PATJ: variants seen among roughly 807,000 people sequenced by gnomAD.
PATJ encodes inaD-like protein.
A neutral mutation model predicts 224.9 loss-of-function variants in PATJ; 190 were observed. The observed-to-expected ratio is 0.84, with a 90% confidence interval of 0.75 to 0.95. The LOEUF is 0.95. PATJ is among the 40% of genes least tolerant of loss of function. The pLI is 0.00. For synonymous variants in PATJ, 769 were observed against 820.3 expected, an observed-to-expected ratio of 0.94 and a Z score of 1.07; for missense variants, 2,121 against 2,270.3, an observed-to-expected ratio of 0.93 and a Z score of 1.34.
Position 62,073,136 on chromosome 1 carries a change from C to T in PATJ, c.4126-6314C>T, listed in dbSNP as rs566992961. 9.1e-6 allele frequency: 9 copies of T among 985,282 alleles called. No individual in the cohort carries two copies. In the East Asian group the frequency reaches 3.4e-4, roughly 37 times the overall value. The allele number at this position is 985,282 out of a possible 1,614,324, so 61.0% of individuals were successfully genotyped here. Reference sequence around the variant, plus strand: ...TTTAGGTTTTGCTCTTCTGGGGTTGCGTGCGTTATAGACCGGGTTCCAAAA... The same window carrying T: ...TTTAGGTTTTGCTCTTCTGGGGTTGTGTGCGTTATAGACCGGGTTCCAAAA... On this transcript the variant is annotated intron_variant, in intron 31 of 43. Transcript: ENST00000642238.
At chr1:61,990,607 TA>T (rs1271566234) in intron 28 of PATJ, among the ~76,000 whole-genome samples, 2 of 152,236 alleles carry the variant, frequency 1.3e-5, no homozygotes, top group African/African-American at 4.8e-5. Flanking sequence ...CATGGAAACA[TA>T]TTAAAACCTT....
chr1:61,772,112 T>TG (rs1455663490), intron 6 of PATJ, among the ~76,000 whole-genome samples: 1 of 151,304 alleles, frequency 6.6e-6, no homozygotes, highest in South Asian at 2.1e-4. Context: ...GGTCGTTTTT[T>TG]TTTTTTTTTT....
At chr1:61,920,519 C>G (rs1350469022) in intron 26 of PATJ, among the ~76,000 whole-genome samples, 1 of 152,030 alleles carries the variant, frequency 6.6e-6, no homozygotes, top group Non-Finnish European at 1.5e-5. Context: ...ACTTCTTTTT[C>G]TTCCCAGTCT....
chr1:61,807,672 G>A (rs1653868941), intron 13 of PATJ, among the ~76,000 whole-genome samples: 1 of 152,200 alleles, frequency 6.6e-6, no homozygotes, highest in Non-Finnish European at 1.5e-5. Context: ...GATGGAGAAT[G>A]AATGAATGCG....
intron 1 of PATJ, among the ~76,000 whole-genome samples, chr1:61,753,923 T>G (rs1308920740): frequency 1.3e-5 from 2 of 151,892 alleles, no homozygotes; most frequent in Non-Finnish European, 2.9e-5. Context: ...AATTTCTATC[T>G]CTCTTCAAAT....
At chr1:62,108,299 G>A (rs1010290608) in intron 33 of PATJ, 138 bp from the exon 34 acceptor site, 4 of 513,782 alleles carry the variant, frequency 7.8e-6, no homozygotes, top group Non-Finnish European at 1.4e-5. Flanking sequence ...TATCATAACT[G>A]TGTATATTGT....
At chr1:61,973,885 A>G (rs1683306567) in intron 27 of PATJ, among the ~76,000 whole-genome samples, 1 of 152,008 alleles carries the variant, frequency 6.6e-6, no homozygotes, top group Non-Finnish European at 1.5e-5. Context: ...ATCGTTTTTT[A>G]TGAATCTCAT....
At chr1:61,923,656 G>A (rs911941816) in intron 26 of PATJ, among the ~76,000 whole-genome samples, 3 of 152,106 alleles carry the variant, frequency 2.0e-5, no homozygotes, top group African/African-American at 7.2e-5. Context: ...GGTGGCTCAT[G>A]CCTGTAATCC....
intron 43 of PATJ, among the ~76,000 whole-genome samples, chr1:62,158,515 T>G (rs149149381): frequency 2.0e-5 from 3 of 147,870 alleles, no homozygotes; most frequent in East Asian, 1.9e-4. Flanking sequence ...GTCAGGAGAT[T>G]GAGACCATCC....
chr1:62,004,204 G>A (rs72677918), intron 28 of PATJ, among the ~76,000 whole-genome samples: 22,634 of 152,088 alleles, frequency 0.15, 2,027 homozygotes, highest in Non-Finnish European at 0.21. Context: ...GGCGGCAACT[G>A]TATCTGACTA....
chr1:62,073,894 A>G (rs1657856496), intron 31 of PATJ, among the ~76,000 whole-genome samples: 1 of 152,164 alleles, frequency 6.6e-6, no homozygotes, highest in African/African-American at 2.4e-5. Context: ...AAGAATTTCT[A>G]TAAAATAACT....
chr1:61,932,367 T>G (rs1676159595), intron 27 of PATJ, among the ~76,000 whole-genome samples: 1 of 152,202 alleles, frequency 6.6e-6, no homozygotes, highest in African/African-American at 2.4e-5. Flanking sequence ...AGGAGTAGTG[T>G]GTAGACAGCA....
chr1:61,996,741 C>CTTTTTTTTTTTTT (rs56215259), intron 28 of PATJ, among the ~76,000 whole-genome samples: 4 of 97,734 alleles, frequency 4.1e-5, no homozygotes, highest in Admixed American at 1.2e-4. Flanking sequence ...CTTTTCTTTT[C>CTTTTTTTTTTTTT]TTTTTTTTTT....
rs111645289 is a variant in PATJ, at chr1:61,775,880, G to GT, written c.849+551dup. On this transcript the variant is annotated intron_variant, in intron 7 of 43. Coordinates refer to ENST00000642238, the MANE Select transcript of PATJ (RefSeq NM_001350145.3). ...GAAGAAATGTTAATTACTACATTTAGTTTTTAGAAATTAGTTTAGAAATTT... is the reference window on the plus strand; with the variant it reads ...GAAGAAATGTTAATTACTACATTTAGTTTTTTAGAAATTAGTTTAGAAATTT... 1.9e-3 allele frequency among the ~76,000 whole-genome samples: 282 copies of GT among 152,208 alleles called. 1 individual carries two copies. Among genetic ancestry groups the GT allele is most frequent in the African/African-American group, 6.5e-3 (268 of 41,532 alleles).
chr1:62,017,818 C>A, intron 28 of PATJ, 38 bp from the exon 29 acceptor site: 3 of 987,590 alleles, frequency 3.0e-6, no homozygotes, highest in South Asian at 1.3e-5. Flanking sequence ...TACTTGTAGA[C>A]ATGTATAATT....
intron 14 of PATJ, among the ~76,000 whole-genome samples, chr1:61,810,553 C>T (rs1053097081): frequency 5.3e-5 from 8 of 151,782 alleles, no homozygotes; most frequent in South Asian, 2.1e-4. Flanking sequence ...AAAACTTAGC[C>T]GGGCATGGTG....
At chr1:62,121,677 G>A (rs1244754322) in intron 38 of PATJ, among the ~76,000 whole-genome samples, 6 of 152,060 alleles carry the variant, frequency 3.9e-5, no homozygotes, top group Non-Finnish European at 8.8e-5. Flanking sequence ...GCTGAGGCAG[G>A]AGAATTGCTT....
chr1:61,743,676 T>C (rs1324815177), intron 1 of PATJ, among the ~76,000 whole-genome samples: 1 of 152,194 alleles, frequency 6.6e-6, no homozygotes, highest in East Asian at 1.9e-4. Context: ...AAAACTTAAA[T>C]CTGTTTGCAG....
At position 61,805,079 on chromosome 1, in the gene PATJ, T is replaced by A. The variant is rs529771043; in HGVS notation, c.1550-369T>A. Among the ~76,000 whole-genome samples, 3 of 152,358 alleles carry A rather than the reference T, an allele frequency of 2.0e-5. No homozygotes were observed. In the South Asian group the frequency reaches 6.2e-4, roughly 32 times the overall value. On this transcript the variant is annotated intron_variant, in intron 12 of 43. Transcript: ENST00000642238. Reference sequence around the variant, plus strand: ...TTAACATTTAAATTAAATCCTTCTATGTCCTAATGTATTATAAAGCAAAGC... The same window carrying A: ...TTAACATTTAAATTAAATCCTTCTAAGTCCTAATGTATTATAAAGCAAAGC...
Sources: allele counts gnomAD v4.1 joint callset (sites outside exome capture counted in the v4.1 genomes callset), GRCh38; gene constraint gnomAD v4.1.1; transcripts MANE v1.5; gene names NCBI Gene and HGNC (gene_info 2026-07-23, HGNC 2026-07-21).